TNNI3K: variants seen among roughly 807,000 people sequenced by gnomAD.
TNNI3K encodes TNNI3 interacting kinase, also known as serine/threonine-protein kinase TNNI3K.
TNNI3K carries 140 observed loss-of-function variants against 114.5 expected under a neutral mutation model. The ratio of observed to expected loss-of-function variants is 1.22; its 90% confidence interval spans 1.07 to 1.41. The LOEUF (loss-of-function observed/expected upper bound fraction) is 1.41, where lower values mean the gene tolerates loss of function less well. TNNI3K is among the 40% of genes most tolerant of loss of function. The pLI is 0.00. For missense variants in TNNI3K, 1,125 were observed against 1,007.6 expected, an observed-to-expected ratio of 1.12 and a Z score of -1.58; for synonymous variants, 347 against 347.5, an observed-to-expected ratio of 1.00 and a Z score of 0.02.
intron 11 of TNNI3K, among the ~76,000 whole-genome samples, chr1:74,360,639 A>G (rs902917718): frequency 6.6e-6 from 1 of 151,980 alleles, no homozygotes; most frequent in Admixed American, 6.6e-5. Context: ...ATCTGCCTTT[A>G]TGTCCTCTCT....
chr1:74,399,718 G>C (rs1367439676), intron 17 of TNNI3K, among the ~76,000 whole-genome samples: 1 of 152,198 alleles, frequency 6.6e-6, no homozygotes, highest in Non-Finnish European at 1.5e-5. Flanking sequence ...CCAGAAGGAA[G>C]CTATGGGCAG....
chr1:74,451,691 C>CTTTTCT (rs1553148035), intron 20 of TNNI3K, among the ~76,000 whole-genome samples: 658 of 32,604 alleles, frequency 0.02, 7 homozygotes, highest in African/African-American at 0.034. Flanking sequence ...TCTTTTCTTT[C>CTTTTCT]TTTCTTTCTT....
intron 17 of TNNI3K, among the ~76,000 whole-genome samples, chr1:74,413,481 T>C (rs1430404937): frequency 6.6e-6 from 1 of 152,158 alleles, no homozygotes; most frequent in Non-Finnish European, 1.5e-5. Flanking sequence ...AGCCACATAT[T>C]GTTCCTAAAT....
Position 74,455,189 on chromosome 1 carries a change from T to C in TNNI3K, c.2012-8252T>C, listed in dbSNP as rs139177810. 2.8e-3 allele frequency among the ~76,000 whole-genome samples: 432 copies of C among 152,264 alleles called. 12 individuals are homozygous for C. Among genetic ancestry groups the C allele is most frequent in the Admixed American group, 0.024 (368 of 15,284 alleles). ...AAGGATGCTCCCTGGAAGGGCCTTTTACCCAAACTGGAGGAAGTAAAAGGA... is the reference window on the plus strand; with the variant it reads ...AAGGATGCTCCCTGGAAGGGCCTTTCACCCAAACTGGAGGAAGTAAAAGGA... On this transcript the variant is annotated intron_variant, in intron 20 of 24. Transcript: ENST00000326637.
At chr1:74,434,895 C>T (rs1336810778) in intron 17 of TNNI3K, among the ~76,000 whole-genome samples, 6 of 151,802 alleles carry the variant, frequency 4.0e-5, no homozygotes, top group Non-Finnish European at 2.9e-5. Flanking sequence ...CAAGTCAAGG[C>T]GGGAAAGCAA....
rs753360041 is a variant in TNNI3K at position 74,543,910 on chromosome 1, T to A, written c.2436T>A (p.Tyr812Ter). 1.2e-6 allele frequency: 2 copies of A among 1,613,460 alleles called. No individual in the cohort carries two copies. Among genetic ancestry groups the A allele is most frequent in the African/African-American group, 2.7e-5 (2 of 74,894 alleles). Residue 812 changes from tyrosine (Y) to a stop codon, truncating the protein, a stop_gained, in exon 25 of 25, where the codon TAT becomes TAA. Coordinates refer to ENST00000326637, the MANE Select transcript of TNNI3K (RefSeq NM_015978.3). LOFTEE classifies it high-confidence loss of function. ...LQYTPIDKYG[Y>*]VSDPMSSMHF... is the part of the protein sequence containing the mutation. Reference sequence around the variant, plus strand: ...TGAACTTCTTTTCTGATGCAGGCTATGTATCCGATCCCATGAGCTCAATGC... The same window carrying A: ...TGAACTTCTTTTCTGATGCAGGCTAAGTATCCGATCCCATGAGCTCAATGC...
chr1:74,418,359 G>C (rs535840274), intron 17 of TNNI3K: 1 of 181,790 alleles, frequency 5.5e-6, no homozygotes, highest in Non-Finnish European at 1.2e-5. Flanking sequence ...CTTAGTTTAA[G>C]AAGTTGTTAT....
At chr1:74,402,355 A>G (rs1664407853) in intron 17 of TNNI3K, among the ~76,000 whole-genome samples, 1 of 152,180 alleles carries the variant, frequency 6.6e-6, no homozygotes, top group Admixed American at 6.5e-5. Context: ...GAATAGTAAG[A>G]TATTATTAGC....
At chr1:74,472,586 G>A (rs17095394) in intron 21 of TNNI3K, among the ~76,000 whole-genome samples, 2,405 of 152,042 alleles carry the variant, frequency 0.016, 68 homozygotes, top group African/African-American at 0.055. Flanking sequence ...TAAATATTGG[G>A]CAGAACATGG....
intron 23 of TNNI3K, among the ~76,000 whole-genome samples, chr1:74,497,667 C>T (rs974092968): frequency 2.0e-5 from 3 of 152,022 alleles, no homozygotes; most frequent in Non-Finnish European, 1.5e-5. Context: ...CAGCCTTGAC[C>T]TCTCTGCTTC....
chr1:74,421,645 G>A (rs912961852), intron 17 of TNNI3K, among the ~76,000 whole-genome samples: 1 of 152,030 alleles, frequency 6.6e-6, no homozygotes, highest in Non-Finnish European at 1.5e-5. Context: ...ATGAGAAAAT[G>A]GTAGATACTT....
chr1:74,511,193 C>CTT (rs1486308876), intron 23 of TNNI3K, among the ~76,000 whole-genome samples: 2 of 95,776 alleles, frequency 2.1e-5, no homozygotes, highest in African/African-American at 1.0e-4. Flanking sequence ...CGTGCCCGGC[C>CTT]TATTTTTTTT....
At chr1:74,437,978 A>G (rs1666212042) in intron 19 of TNNI3K, among the ~76,000 whole-genome samples, 1 of 151,704 alleles carries the variant, frequency 6.6e-6, no homozygotes, top group Admixed American at 6.6e-5. Flanking sequence ...TTTAACCAAC[A>G]GCAAATAATA....
At chr1:74,538,369 A>T (rs551517430) in intron 23 of TNNI3K, among the ~76,000 whole-genome samples, 1 of 152,204 alleles carries the variant, frequency 6.6e-6, no homozygotes, top group South Asian at 2.1e-4. Flanking sequence ...GGGGGGTAGA[A>T]TGTCATTTAA....
intron 5 of TNNI3K, among the ~76,000 whole-genome samples, chr1:74,287,315 CA>C (rs1230688997): frequency 6.6e-6 from 1 of 151,998 alleles, no homozygotes; most frequent in African/African-American, 2.4e-5. Context: ...GATATCATGA[CA>C]GAAAACTTTT....
At chr1:74,486,463 A>G (rs552576575) in intron 21 of TNNI3K, among the ~76,000 whole-genome samples, 3 of 151,356 alleles carry the variant, frequency 2.0e-5, no homozygotes, top group Admixed American at 2.0e-4. Context: ...ATGATAGAGT[A>G]GTCAAACATC....
intron 5 of TNNI3K, among the ~76,000 whole-genome samples, chr1:74,325,006 G>T (rs1050983673): frequency 1.3e-5 from 2 of 152,130 alleles, no homozygotes; most frequent in African/African-American, 4.8e-5. Context: ...GCATACCTTC[G>T]GGGAAGAATA....
At position 74,543,906 on chromosome 1, in the gene TNNI3K, G is replaced by T. The variant is rs375023664; in HGVS notation, c.2432G>T (p.Gly811Val). The change falls in exon 25 of 25, where the codon GGC (glycine) becomes GTC (valine). Residue 811 changes from glycine (G) to valine (V), a missense_variant and splice_region_variant. Physicochemically the swap from Gly to Val is moderately radical, Grantham distance 109. Transcript: ENST00000326637. Reference sequence around the variant, plus strand: ...CAACTGAACTTCTTTTCTGATGCAGGCTATGTATCCGATCCCATGAGCTCA... The same window carrying T: ...CAACTGAACTTCTTTTCTGATGCAGTCTATGTATCCGATCCCATGAGCTCA... ...SLQYTPIDKY[G>V]YVSDPMSSMH... 8 of 1,613,304 alleles carry T rather than the reference G, an allele frequency of 5.0e-6. No homozygotes were observed. The highest frequency in any genetic ancestry group is 4.5e-5 in the East Asian group (2 of 44,824).
At chr1:74,411,974 A>G (rs1382705499) in intron 17 of TNNI3K, among the ~76,000 whole-genome samples, 1 of 152,228 alleles carries the variant, frequency 6.6e-6, no homozygotes. Flanking sequence ...ATATTGTTCA[A>G]TACATAGTTC....
Sources: gnomAD v4.1 joint callset for allele counts (sites outside exome capture counted in the v4.1 genomes callset) on GRCh38, gnomAD v4.1.1 for gene constraint, MANE v1.5 for transcripts, NCBI Gene and HGNC (gene_info 2026-07-23, HGNC 2026-07-21) for gene names.